CLGN: variants seen among roughly 807,000 people sequenced by gnomAD.
CLGN encodes calmegin.
In CLGN, 62 loss-of-function variants were observed where a neutral mutation model predicts 79.1. The ratio of observed to expected loss-of-function variants is 0.78; its 90% CI spans 0.64 to 0.97. CLGN has a LOEUF of 0.97. CLGN is among the 50% of genes least tolerant of loss of function. The pLI, the probability that CLGN is intolerant of heterozygous loss-of-function variation, is 0.00. For missense variants in CLGN, 647 were observed against 715.5 expected, an observed-to-expected ratio of 0.90 and a Z score of 1.09; for synonymous variants, 225 against 224.7, an observed-to-expected ratio of 1.00 and a Z score of -0.01.
At chr4:140,394,111 C>CA in intron 10 of CLGN, 70 bp from the exon 11 acceptor site, 2 of 1,097,918 alleles carry the variant, frequency 1.8e-6, no homozygotes, top group Non-Finnish European at 2.6e-6. Flanking sequence ...TAATAAGTAG[C>CA]TGCTGTTGAA....
intron 11 of CLGN, among the ~76,000 whole-genome samples, chr4:140,393,018 A>G (rs932710465): frequency 1.3e-5 from 2 of 152,002 alleles, no homozygotes; most frequent in African/African-American, 4.8e-5. Context: ...CCTTTTATGG[A>G]TGTATTACCT....
rs982648514 is a variant in CLGN, at chr4:140,394,122, T to C, written c.1150-81A>G. The C allele has an allele frequency of 6.3e-6, 6 of 957,260 alleles. No homozygotes were observed. The Admixed American group carries it at 9.5e-5, about 15-fold the overall frequency. 59.3% of individuals were successfully genotyped at this position (957,260 alleles called of 1,614,324 possible). The stretch of plus-strand genomic sequence containing the variant: ...TGCTTAATAAGTAGCTGCTGTTGAA[T>C]GAAATTCGCAATGCTAACTGGAAAA... On this transcript the variant is annotated intron_variant, in intron 10 of 14. Coordinates refer to ENST00000325617, the MANE Select transcript of CLGN (RefSeq NM_004362.3).
intron 4 of CLGN, 96 bp from the exon 5 acceptor site, chr4:140,406,179 G>T: frequency 1.6e-6 from 2 of 1,218,604 alleles, no homozygotes; most frequent in South Asian, 1.4e-5. Flanking sequence ...TATCCAGGAA[G>T]CCTGACTTGG....
Position 140,405,990 on chromosome 4 carries a change from G to A in CLGN, c.371C>T (p.Ala124Val). 1 of 1,613,372 alleles carries A rather than the reference G, an allele frequency of 6.2e-7. No individual in the cohort carries two copies. Among genetic ancestry groups the A allele is most frequent in the Non-Finnish European group, 8.5e-7 (1 of 1,179,626 alleles). ...KSRAKHHAIS[A>V]VLAKPFIFAD... ...AAAAATGAATGGTTTTGCTAATACA[G>A]CAGATATTGCATGATGCTTTGCTCT... The change falls in exon 5 of 15, where the codon GCT becomes GTT. Residue 124 changes from alanine to valine, a missense_variant. Transcript: ENST00000325617.
At chr4:140,419,181 T>C (rs547325388) in intron 1 of CLGN, among the ~76,000 whole-genome samples, 19 of 151,798 alleles carry the variant, frequency 1.3e-4, no homozygotes, top group African/African-American at 4.3e-4. Context: ...GGAAGGGGAA[T>C]ATCACACTCT....
At chr4:140,417,010 G>T (rs1276112232) in intron 1 of CLGN, among the ~76,000 whole-genome samples, 1 of 151,956 alleles carries the variant, frequency 6.6e-6, no homozygotes, top group Non-Finnish European at 1.5e-5. Context: ...CCATGATGAA[G>T]TGGGCTTCAT....
At chr4:140,418,940 C>G (rs1407477083) in intron 1 of CLGN, among the ~76,000 whole-genome samples, 2 of 152,274 alleles carry the variant, frequency 1.3e-5, no homozygotes, top group East Asian at 3.9e-4. Flanking sequence ...ATAGCAAAGA[C>G]TTGGAACCAA....
chr4:140,392,006 T>C (rs1728781933), intron 13 of CLGN, among the ~76,000 whole-genome samples: 1 of 151,938 alleles, frequency 6.6e-6, no homozygotes, highest in African/African-American at 2.4e-5. Context: ...CTGAACACTA[T>C]TTAAATCTCC....
intron 6 of CLGN, 73 bp downstream of exon 6, chr4:140,401,912 C>T: frequency 1.3e-6 from 1 of 794,158 alleles, no homozygotes; most frequent in Non-Finnish European, 2.0e-6. Flanking sequence ...ACAAAATATT[C>T]AGTTTTATCA....
At position 140,390,807 on chromosome 4, in the gene CLGN, G is replaced by A. The variant is rs914803349; in HGVS notation, c.1652-79C>T. ...CTGAAAAGTATTAAATACAATAAAT[G>A]GGATTTATTTAAATTCCAAGATTTA... On this transcript the variant is annotated intron_variant, in intron 13 of 14. Coordinates refer to ENST00000325617, the MANE Select transcript of CLGN (RefSeq NM_004362.3). The A allele has an allele frequency of 2.3e-5, 17 of 741,466 alleles. No individual in the cohort carries two copies. In the African/African-American group the frequency reaches 2.9e-4, roughly 13 times the overall value. 45.9% of individuals were successfully genotyped at this position (741,466 alleles called of 1,614,324 possible).
intron 7 of CLGN, among the ~76,000 whole-genome samples, 185 bp from the exon 8 acceptor site, chr4:140,399,225 A>G (rs542206565): frequency 5.0e-4 from 76 of 152,156 alleles, no homozygotes; most frequent in Non-Finnish European, 1.2e-4. Flanking sequence ...CTAAAGATAA[A>G]ATTTTGTTTT....
At chr4:140,419,640 AT>A (rs1234737937) in intron 1 of CLGN, among the ~76,000 whole-genome samples, 1 of 152,164 alleles carries the variant, frequency 6.6e-6, no homozygotes, top group Admixed American at 6.5e-5. Context: ...TATAGGGCTT[AT>A]TGTAATCAGG....
At chr4:140,404,344 T>C (rs758757145) in intron 5 of CLGN, among the ~76,000 whole-genome samples, 76 of 152,244 alleles carry the variant, frequency 5.0e-4, no homozygotes, top group African/African-American at 1.8e-3. Context: ...CCACCCACCT[T>C]GGCCTCCCAA....
At position 140,389,188 on chromosome 4, in the gene CLGN, C is replaced by T; in HGVS notation, c.*36G>A. On this transcript the variant is annotated 3_prime_UTR_variant, in exon 15 of 15. Coordinates refer to ENST00000325617, the MANE Select transcript of CLGN (RefSeq NM_004362.3). ...GCATGCTGATTTTTACAATGCCAAA[C>T]ATCCCTCTCGGGAATTAAAAATATT... The T allele has an allele frequency of 1.3e-6, 2 of 1,539,644 alleles. No homozygotes were observed. The highest frequency in any genetic ancestry group is 1.8e-6 in the Non-Finnish European group (2 of 1,113,670).
intron 3 of CLGN, 118 bp downstream of exon 3, chr4:140,410,431 CAATT>C (rs889574497): frequency 1.5e-6 from 1 of 670,478 alleles, no homozygotes; most frequent in African/African-American, 1.8e-5. Flanking sequence ...TTTACATTGT[CAATT>C]AAACTACTTT....
At chr4:140,399,351 AC>A (rs1189556096) in intron 7 of CLGN, among the ~76,000 whole-genome samples, 3 of 152,234 alleles carry the variant, frequency 2.0e-5, no homozygotes, top group Non-Finnish European at 4.4e-5. Context: ...GTTACAAAAT[AC>A]AAGCTAATCT....
At chr4:140,399,172 A>G (rs1728951591) in intron 7 of CLGN, 132 bp from the exon 8 acceptor site, 1 of 665,050 alleles carries the variant, frequency 1.5e-6, no homozygotes, top group African/African-American at 1.9e-5. Context: ...AGGAATAACC[A>G]ATGTATTGAA....
At chr4:140,393,723 G>A (rs1274454532) in intron 11 of CLGN, 103 bp downstream of exon 11, 3 of 939,904 alleles carry the variant, frequency 3.2e-6, no homozygotes, top group Non-Finnish European at 4.8e-6. Flanking sequence ...AGTAGTTACT[G>A]CACATTTATT....
intron 5 of CLGN, among the ~76,000 whole-genome samples, chr4:140,403,426 A>C (rs780025954): frequency 9.9e-5 from 15 of 152,180 alleles, no homozygotes; most frequent in Non-Finnish European, 8.8e-5. Flanking sequence ...TCATTTTTTA[A>C]ATAGAGGACA....
Sources: gnomAD v4.1 joint callset for allele counts (sites outside exome capture counted in the v4.1 genomes callset) on GRCh38, gnomAD v4.1.1 for gene constraint, MANE v1.5 for transcripts, NCBI Gene and HGNC (gene_info 2026-07-23, HGNC 2026-07-21) for gene names.